KCTD8: variants seen among roughly 807,000 people sequenced by gnomAD.
KCTD8 encodes the protein potassium channel tetramerization domain containing 8, also known as BTB/POZ domain-containing protein KCTD8.
In KCTD8, 27 loss-of-function variants were observed where a neutral mutation model predicts 31.5. That is an observed-to-expected ratio of 0.86 (90% CI 0.63 to 1.18). KCTD8 has a LOEUF of 1.18. Among genes scored for constraint, KCTD8 ranks in the 50% most tolerant of loss-of-function variants. The probability of loss-of-function intolerance (pLI) is 0.00; values close to 1 mark genes in which losing one functional copy is unlikely to be tolerated. For missense variants in KCTD8, 658 were observed against 647.7 expected (o/e 1.02, Z -0.17); for synonymous variants, 290 against 280.0 (o/e 1.04, Z -0.36).
chr4:44,349,097 TACC>T (rs140806249), intron 1 of KCTD8, among the ~76,000 whole-genome samples: 1 of 149,560 alleles, frequency 6.7e-6, no homozygotes, highest in African/African-American at 2.5e-5. Flanking sequence ...CCACCACCAC[TACC>T]ACCAATGCTA....
intron 1 of KCTD8, among the ~76,000 whole-genome samples, chr4:44,431,335 A>G (rs1721497199): frequency 1.3e-5 from 2 of 151,296 alleles, no homozygotes; most frequent in African/African-American, 4.8e-5. Flanking sequence ...CACTCCCTTC[A>G]TGTCTTCTCT....
intron 1 of KCTD8, among the ~76,000 whole-genome samples, chr4:44,247,546 G>A (rs1489121222): frequency 4.0e-5 from 6 of 151,874 alleles, no homozygotes; most frequent in African/African-American, 1.2e-4. Flanking sequence ...TAGGCACAAT[G>A]TCAATAAGCA....
In KCTD8 at chr4:44,313,373, T is replaced by C. The variant is rs572607022; in HGVS notation, c.961+134190A>G. ...AATAGCCATATGGTCTTGTGGTCTG[T>C]CAGGCAGTGATGCCCTAAAGTAGGT... On this transcript the variant is annotated intron_variant, in intron 1 of 1. Coordinates refer to ENST00000360029, the MANE Select transcript of KCTD8 (RefSeq NM_198353.3). Among the ~76,000 whole-genome samples the C allele has an allele frequency of 1.6e-4, 25 of 152,320 alleles. No homozygotes were observed. The South Asian group carries it at 4.6e-3, about 28-fold the overall frequency.
intron 1 of KCTD8, among the ~76,000 whole-genome samples, chr4:44,323,273 C>A: frequency 6.6e-6 from 1 of 151,912 alleles, no homozygotes; most frequent in East Asian, 1.9e-4. Flanking sequence ...ACAGGTGGAT[C>A]ACCTGAGGTC....
intron 1 of KCTD8, among the ~76,000 whole-genome samples, chr4:44,311,559 C>A (rs973560624): frequency 1.3e-5 from 2 of 151,966 alleles, no homozygotes; most frequent in African/African-American, 4.8e-5. Flanking sequence ...TAAGAATACT[C>A]ACCCTCCTTG....
chr4:44,249,986 G>T (rs1223249119), intron 1 of KCTD8, among the ~76,000 whole-genome samples: 1 of 151,702 alleles, frequency 6.6e-6, no homozygotes, highest in Admixed American at 6.6e-5. Context: ...AACATTTTTG[G>T]TTTTAAAATT....
intron 1 of KCTD8, among the ~76,000 whole-genome samples, chr4:44,405,054 A>G (rs1720753939): frequency 6.6e-6 from 1 of 152,170 alleles, no homozygotes; most frequent in African/African-American, 2.4e-5. Context: ...AAAATTCATG[A>G]GGTTTCTTAA....
chr4:44,261,578 C>T (rs990070162), intron 1 of KCTD8, among the ~76,000 whole-genome samples: 2 of 151,678 alleles, frequency 1.3e-5, no homozygotes, highest in Non-Finnish European at 2.9e-5. Flanking sequence ...AAATTTTGAC[C>T]AACATTTCCA....
chr4:44,262,806 T>A (rs1716221052), intron 1 of KCTD8, among the ~76,000 whole-genome samples: 2 of 152,138 alleles, frequency 1.3e-5, no homozygotes, highest in African/African-American at 2.4e-5. Context: ...TAATGAAACA[T>A]GGCCCAGAAA....
At chr4:44,181,176 T>C (rs1294013862) in intron 1 of KCTD8, among the ~76,000 whole-genome samples, 5 of 142,210 alleles carry the variant, frequency 3.5e-5, no homozygotes, top group African/African-American at 1.3e-4. Flanking sequence ...CCTCTCCCCA[T>C]GGTCTCCCTC....
At chr4:44,396,924 A>G (rs886420627) in intron 1 of KCTD8, among the ~76,000 whole-genome samples, 1 of 152,126 alleles carries the variant, frequency 6.6e-6, no homozygotes, top group Non-Finnish European at 1.5e-5. Flanking sequence ...CAAGCCCGGT[A>G]GTTGAACTCC....
At chr4:44,232,870 G>T (rs896076139) in intron 1 of KCTD8, among the ~76,000 whole-genome samples, 23 of 151,996 alleles carry the variant, frequency 1.5e-4, no homozygotes, top group Non-Finnish European at 2.6e-4. Flanking sequence ...TAGAAATGTG[G>T]ACATAAATGA....
chr4:44,297,185 T>C (rs940592671), intron 1 of KCTD8, among the ~76,000 whole-genome samples: 2 of 151,952 alleles, frequency 1.3e-5, no homozygotes, highest in Admixed American at 6.5e-5. Context: ...CAACATAAGA[T>C]AGGGAAAAAG....
At chr4:44,225,238 C>T (rs1036888351) in intron 1 of KCTD8, among the ~76,000 whole-genome samples, 16 of 152,176 alleles carry the variant, frequency 1.1e-4, no homozygotes, top group African/African-American at 3.1e-4. Flanking sequence ...AGTGCTACAC[C>T]GGCATGGCAA....
At chr4:44,286,064 C>T (rs541254449) in intron 1 of KCTD8, among the ~76,000 whole-genome samples, 4 of 152,094 alleles carry the variant, frequency 2.6e-5, no homozygotes, top group Non-Finnish European at 2.9e-5. Flanking sequence ...ATCTCAGTCT[C>T]CTTTGCAGAT....
At chr4:44,287,291 CTT>C (rs774574485) in intron 1 of KCTD8, among the ~76,000 whole-genome samples, 3 of 152,018 alleles carry the variant, frequency 2.0e-5, no homozygotes, top group Non-Finnish European at 4.4e-5. Context: ...AATTTGATAA[CTT>C]AGGAATTATT....
intron 1 of KCTD8, among the ~76,000 whole-genome samples, chr4:44,273,974 T>C (rs1410831370): frequency 6.6e-6 from 1 of 151,938 alleles, no homozygotes; most frequent in Admixed American, 6.6e-5. Flanking sequence ...AACTGTTGTT[T>C]GAAATCATGT....
intron 1 of KCTD8, among the ~76,000 whole-genome samples, chr4:44,444,619 C>A (rs1721893649): frequency 6.6e-6 from 1 of 152,170 alleles, no homozygotes; most frequent in South Asian, 2.1e-4. Context: ...TTCTCAAATC[C>A]TATAAAACTG....
intron 1 of KCTD8, among the ~76,000 whole-genome samples, chr4:44,442,770 G>A (rs1553908572): frequency 6.8e-6 from 1 of 147,746 alleles, no homozygotes; most frequent in Non-Finnish European, 1.5e-5. Flanking sequence ...TCTTAACTAA[G>A]GTATACACAC....
Sources: gnomAD v4.1 joint callset for allele counts (sites outside exome capture counted in the v4.1 genomes callset) on GRCh38, gnomAD v4.1.1 for gene constraint, MANE v1.5 for transcripts, NCBI Gene and HGNC (gene_info 2026-07-23, HGNC 2026-07-21) for gene names.